Variants in BTBD16 observed in about 807,000 individuals in gnomAD.
BTBD16 encodes BTB domain containing 16.
BTBD16 carries 66 observed loss-of-function variants against 67.4 expected under a neutral mutation model. That is an observed-to-expected ratio of 0.98 (90% CI 0.80 to 1.20). BTBD16 has a LOEUF of 1.20. Ranked by LOEUF, BTBD16 falls within the 50% of genes most tolerant of loss-of-function variation. The pLI is 0.00. For synonymous variants in BTBD16, 242 were observed against 236.4 expected (o/e 1.02, Z -0.22); for missense variants, 634 against 616.0 (o/e 1.03, Z -0.31).
intron 3 of BTBD16, among the ~76,000 whole-genome samples, chr10:122,278,226 C>T (rs1288924978): frequency 6.6e-6 from 1 of 152,130 alleles, no homozygotes; most frequent in Non-Finnish European, 1.5e-5. Flanking sequence ...CTGAGCTAAA[C>T]TGGAGGCAGT....
intron 10 of BTBD16, among the ~76,000 whole-genome samples, chr10:122,320,562 T>C (rs753496142): frequency 1.6e-4 from 24 of 152,182 alleles, no homozygotes; most frequent in Admixed American, 4.6e-4. Context: ...AATTTTGATA[T>C]GTTGTGTTTT....
intron 3 of BTBD16, among the ~76,000 whole-genome samples, chr10:122,281,072 A>G (rs8181416): frequency 0.45 from 69,154 of 151,996 alleles, 17,075 homozygotes; most frequent in East Asian, 0.89. Flanking sequence ...CTCCCAAAGT[A>G]TTGGGATTAC....
intron 6 of BTBD16, 72 bp downstream of exon 6, chr10:122,290,070 A>G: frequency 9.2e-7 from 1 of 1,088,656 alleles, no homozygotes; most frequent in East Asian, 2.4e-5. Context: ...AAAATGCACA[A>G]GCAACAACAA....
intron 2 of BTBD16, among the ~76,000 whole-genome samples, chr10:122,275,317 C>T (rs953899870): frequency 6.6e-6 from 1 of 152,138 alleles, no homozygotes; most frequent in African/African-American, 2.4e-5. Context: ...TGACGTTTTA[C>T]GTGACAGCCG....
At chr10:122,273,245 T>TATATACAC (rs1249462780) in intron 1 of BTBD16, among the ~76,000 whole-genome samples, 3 of 139,444 alleles carry the variant, frequency 2.2e-5, no homozygotes, top group Non-Finnish European at 4.7e-5. Flanking sequence ...TATATATATA[T>TATATACAC]ACACACATAC....
At chr10:122,303,656 G>A (rs1010943751) in intron 9 of BTBD16, 3 of 880,046 alleles carry the variant, frequency 3.4e-6, no homozygotes, top group Non-Finnish European at 4.1e-6. Flanking sequence ...TTTTCTCAGT[G>A]AAAAATAGAG....
chr10:122,324,688 CTTG>C (rs3037898), intron 10 of BTBD16, among the ~76,000 whole-genome samples: 6,849 of 152,222 alleles, frequency 0.045, 371 homozygotes, highest in East Asian at 0.22. Flanking sequence ...TGCTTCTTGC[CTTG>C]TTGTGTCTTC....
At chr10:122,298,594 G>A (rs192011242) in intron 8 of BTBD16, among the ~76,000 whole-genome samples, 50 of 152,198 alleles carry the variant, frequency 3.3e-4, no homozygotes, top group African/African-American at 1.2e-3. Context: ...GAACTCCTGC[G>A]AGGTACACCC....
At position 122,275,040 on chromosome 10, in the gene BTBD16, G is replaced by T; in HGVS notation, c.-42G>T. ...CACCTTTACCTCTTTTGTCTTCTAGGTTGCTTGTCTTTTCTCTCCTGCGTA... is the reference window on the plus strand; with the variant it reads ...CACCTTTACCTCTTTTGTCTTCTAGTTTGCTTGTCTTTTCTCTCCTGCGTA... On this transcript the variant is annotated splice_region_variant and 5_prime_UTR_variant, in exon 2 of 16. Coordinates refer to ENST00000260723, the MANE Select transcript of BTBD16 (RefSeq NM_144587.5). The T allele has an allele frequency of 6.2e-7, 1 of 1,610,892 alleles. No individual in the cohort carries two copies. Among genetic ancestry groups the T allele is most frequent in the South Asian group, 1.1e-5 (1 of 90,882 alleles).
At chr10:122,290,873 C>A (rs1267242876) in intron 6 of BTBD16, among the ~76,000 whole-genome samples, 1 of 152,208 alleles carries the variant, frequency 6.6e-6, no homozygotes, top group Non-Finnish European at 1.5e-5. Context: ...AGAAGCTCAG[C>A]TTTCTTTAGC....
intron 7 of BTBD16, chr10:122,291,562 A>AG (rs1232039975): frequency 1.2e-5 from 2 of 170,240 alleles, no homozygotes. Context: ...GAAAAAAAAA[A>AG]TCTCTCTCCT....
At chr10:122,297,708 T>C (rs922854175) in intron 7 of BTBD16, 60 bp from the exon 8 acceptor site, 4 of 1,580,660 alleles carry the variant, frequency 2.5e-6, no homozygotes, top group Non-Finnish European at 2.6e-6. Context: ...TCTCTGGGAC[T>C]TTCCGCTTCT....
chr10:122,280,598 A>G (rs1387839344), intron 3 of BTBD16, among the ~76,000 whole-genome samples: 1 of 149,204 alleles, frequency 6.7e-6, no homozygotes, highest in Admixed American at 6.7e-5. Flanking sequence ...ATTATATTAT[A>G]TTATTTTATT....
At chr10:122,297,668 G>C (rs564585099) in intron 7 of BTBD16, 100 bp from the exon 8 acceptor site, 2 of 1,335,290 alleles carry the variant, frequency 1.5e-6, no homozygotes, top group South Asian at 2.5e-5. Flanking sequence ...CCGTTCAAAA[G>C]TCTGCTGCTG....
At chr10:122,287,532 C>A in intron 5 of BTBD16, 1 of 948,008 alleles carries the variant, frequency 1.1e-6, no homozygotes, top group Non-Finnish European at 1.3e-6. Context: ...TGGACTGTCA[C>A]AACTCCAGGG....
chr10:122,302,269 A>G (rs550461174), intron 9 of BTBD16, among the ~76,000 whole-genome samples: 3 of 152,356 alleles, frequency 2.0e-5, no homozygotes, highest in Admixed American at 1.3e-4. Flanking sequence ...CTGGGCCTCC[A>G]GTCTAAATTT....
intron 9 of BTBD16, among the ~76,000 whole-genome samples, chr10:122,304,842 T>C (rs938294111): frequency 6.6e-6 from 1 of 152,170 alleles, no homozygotes; most frequent in Non-Finnish European, 1.5e-5. Flanking sequence ...TGTGAGCCAC[T>C]GCGCCTGGCC....
chr10:122,334,858 G>A, intron 13 of BTBD16, 23 bp from the exon 14 acceptor site: 1 of 1,422,146 alleles, frequency 7.0e-7, no homozygotes, highest in Non-Finnish European at 9.9e-7. Context: ...CCTTCACTTT[G>A]TTGTTTCTCT....
intron 10 of BTBD16, among the ~76,000 whole-genome samples, chr10:122,318,407 G>A (rs986164783): frequency 7.9e-5 from 12 of 152,058 alleles, no homozygotes; most frequent in Non-Finnish European, 1.6e-4. Flanking sequence ...CATTTGGGTT[G>A]TTTTTAGTAA....
Sources: allele counts gnomAD v4.1 joint callset (sites outside exome capture counted in the v4.1 genomes callset), GRCh38; gene constraint gnomAD v4.1.1; transcripts MANE v1.5; gene names NCBI Gene and HGNC (gene_info 2026-07-23, HGNC 2026-07-21).